The following CCSER2 variants were observed in gnomAD, a reference collection of about 807,000 sequenced individuals.
CCSER2 encodes serine-rich coiled-coil domain-containing protein 2.
A neutral mutation model predicts 92.3 loss-of-function variants in CCSER2; 46 were observed. The observed-to-expected ratio is 0.50, with a 90% CI of 0.39 to 0.64. The LOEUF (loss-of-function observed/expected upper bound fraction) is 0.64. Among genes scored for constraint, CCSER2 ranks in the 30% least tolerant of loss-of-function variants. CCSER2 has a pLI of 0.00. For missense variants in CCSER2, 1,244 were observed against 1,238.9 expected, an observed-to-expected ratio of 1.00 and a Z score of -0.06; for synonymous variants, 433 against 431.4, an observed-to-expected ratio of 1.00 and a Z score of -0.04.
At chr10:84,473,820 C>T (rs1846965107) in intron 8 of CCSER2, among the ~76,000 whole-genome samples, 2 of 152,182 alleles carry the variant, frequency 1.3e-5, no homozygotes, top group African/African-American at 4.8e-5. Context: ...CATCACCTCT[C>T]TCTAGTGCTT....
intron 1 of CCSER2, among the ~76,000 whole-genome samples, chr10:84,360,226 A>C (rs1845422476): frequency 6.6e-6 from 1 of 152,044 alleles, no homozygotes; most frequent in Non-Finnish European, 1.5e-5. Flanking sequence ...TAATAGTTTC[A>C]GTTTTAACTG....
intron 6 of CCSER2, among the ~76,000 whole-genome samples, chr10:84,452,782 T>G (rs1458045748): frequency 6.6e-6 from 1 of 152,192 alleles, no homozygotes; most frequent in African/African-American, 2.4e-5. Flanking sequence ...AAGTTATTTC[T>G]TCAGTATTTT....
At chr10:84,480,226 G>A (rs1289852937) in intron 9 of CCSER2, among the ~76,000 whole-genome samples, 1 of 151,404 alleles carries the variant, frequency 6.6e-6, no homozygotes, top group African/African-American at 2.4e-5. Flanking sequence ...TTTATTTTTT[G>A]TAGAGACAGG....
chr10:84,420,776 AC>A (rs1194165131), intron 4 of CCSER2, among the ~76,000 whole-genome samples: 1 of 152,016 alleles, frequency 6.6e-6, no homozygotes, highest in East Asian at 1.9e-4. Flanking sequence ...TACTAAAAAC[AC>A]AAAAAATTAG....
At chr10:84,362,507 T>A (rs1009523092) in intron 1 of CCSER2, among the ~76,000 whole-genome samples, 1 of 152,188 alleles carries the variant, frequency 6.6e-6, no homozygotes, top group African/African-American at 2.4e-5. Flanking sequence ...CTCTTGTTAG[T>A]ATTTTTGTTC....
At chr10:84,405,223 A>G (rs1842318695) in intron 3 of CCSER2, among the ~76,000 whole-genome samples, 1 of 152,234 alleles carries the variant, frequency 6.6e-6, no homozygotes, top group Non-Finnish European at 1.5e-5. Flanking sequence ...AACTCAGTGG[A>G]GAAATCTTTC....
Position 84,332,709 on chromosome 10 carries a change from T to C in CCSER2, c.-40+3901T>C, listed in dbSNP as rs1315204888. Among the ~76,000 whole-genome samples, 4 of 152,012 alleles carry C rather than the reference T, an allele frequency of 2.6e-5. No individual in the cohort carries two copies. The East Asian group carries it at 7.7e-4, about 29-fold the overall frequency. ...GATCACACCTGTAATCTCAGCACTT[T>C]GGGAGGGTGAGGCGGGAGAATCGCT... On this transcript the variant is annotated intron_variant, in intron 1 of 9. Coordinates refer to ENST00000372088, the MANE Select transcript of CCSER2 (RefSeq NM_001284240.2).
At chr10:84,425,981 T>A in intron 5 of CCSER2, 88 bp downstream of exon 5, 1 of 987,362 alleles carries the variant, frequency 1.0e-6, no homozygotes, top group African/African-American at 1.6e-5. Flanking sequence ...AAAAAACCTG[T>A]TTTTGTCTGG....
chr10:84,494,988 T>C (rs911377057), intron 9 of CCSER2, among the ~76,000 whole-genome samples: 17 of 126,178 alleles, frequency 1.3e-4, no homozygotes, highest in Non-Finnish European at 2.9e-4. Flanking sequence ...TTTTTTTTTT[T>C]TTTCTTTCTT....
At position 84,463,994 on chromosome 10, in the gene CCSER2, A is replaced by T; in HGVS notation, c.2126A>T (p.Glu709Val). The T allele has an allele frequency of 1.2e-6, 2 of 1,608,014 alleles. No individual in the cohort carries two copies. Among genetic ancestry groups the T allele is most frequent in the Non-Finnish European group, 8.5e-7 (1 of 1,174,918 alleles). The change falls in exon 7 of 10, where the codon GAA becomes GTA. Residue 709 changes from glutamate to valine, a missense_variant. Glu to Val is a moderately radical substitution (Grantham distance 121). Coordinates refer to ENST00000372088, the MANE Select transcript of CCSER2 (RefSeq NM_001284240.2). The part of the protein sequence containing the change: ...QLSLPSSPEP[E>V]DGDKVYKNED... ...TCATTGCCATCCAGTCCAGAACCAGAAGATGGTGATAAAGTATATAAGGTA... is the reference window on the plus strand; with the variant it reads ...TCATTGCCATCCAGTCCAGAACCAGTAGATGGTGATAAAGTATATAAGGTA...
At chr10:84,454,300 A>G (rs549345856) in intron 6 of CCSER2, among the ~76,000 whole-genome samples, 14 of 152,138 alleles carry the variant, frequency 9.2e-5, no homozygotes, top group East Asian at 5.8e-4. Context: ...GATATCCGCT[A>G]TATTGGATTT....
chr10:84,371,556 T>G lies in CCSER2; in HGVS notation c.504T>G (p.Thr168=). The change falls in exon 2 of 10, where the codon ACT becomes ACG. Residue 168 remains threonine, a synonymous_variant. Transcript: ENST00000372088. ...GGACTTCATATTCTTCGATCAATAC[T>G]CCAAAATCACAGTTGAATGGATTTT... ...LGRTSYSSIN[T]PKSQLNGFYG... is the part of the protein sequence containing the mutation. 1 of 1,613,702 alleles carries G rather than the reference T, an allele frequency of 6.2e-7. No homozygotes were observed. The highest frequency in any genetic ancestry group is 8.5e-7 in the Non-Finnish European group (1 of 1,179,790).
At chr10:84,407,354 T>C (rs1433441324) in intron 3 of CCSER2, among the ~76,000 whole-genome samples, 1 of 152,234 alleles carries the variant, frequency 6.6e-6, no homozygotes, top group East Asian at 1.9e-4. Context: ...TTCCATCATT[T>C]GTTTTATTTA....
intron 1 of CCSER2, among the ~76,000 whole-genome samples, chr10:84,363,351 A>G (rs919219916): frequency 5.3e-5 from 8 of 152,126 alleles, no homozygotes; most frequent in African/African-American, 1.7e-4. Flanking sequence ...GATGACAGCC[A>G]GGAAAAAATG....
At chr10:84,501,639 G>A (rs1848725775) in intron 9 of CCSER2, among the ~76,000 whole-genome samples, 1 of 147,870 alleles carries the variant, frequency 6.8e-6, no homozygotes, top group African/African-American at 2.5e-5. Flanking sequence ...CTTCCTTCTT[G>A]GGTTCAGAGC....
At position 84,514,351 on chromosome 10, in the gene CCSER2, G is replaced by T. The variant is rs1849523288; in HGVS notation, c.*84G>T. 2.1e-6 allele frequency: 2 copies of T among 940,074 alleles called. No homozygotes were observed. The highest frequency in any genetic ancestry group is 5.3e-5 in the East Asian group (2 of 37,914). The allele number at this position is 940,074 out of a possible 1,614,324, so 58.2% of individuals were successfully genotyped here. A position where few individuals can be genotyped will look rare whatever the true frequency, so the allele number is the denominator to read the frequency against. ...TATGTGCAGCTTGCAGCTTGCTACT[G>T]TGGTGGAGGTTCCATTGAAAGCCTG... On this transcript the variant is annotated 3_prime_UTR_variant, in exon 10 of 10. Coordinates refer to ENST00000372088, the MANE Select transcript of CCSER2 (RefSeq NM_001284240.2).
intron 4 of CCSER2, among the ~76,000 whole-genome samples, chr10:84,423,698 G>A (rs1375804827): frequency 1.3e-5 from 2 of 152,248 alleles, no homozygotes; most frequent in African/African-American, 2.4e-5. Flanking sequence ...ACAGTTAAAT[G>A]TAGATTATCC....
chr10:84,398,386 A>G lies in CCSER2; in HGVS notation c.1615-19385A>G, dbSNP rs541347944. 8.5e-4 allele frequency among the ~76,000 whole-genome samples: 130 copies of G among 152,328 alleles called. 1 individual carries two copies. Among genetic ancestry groups the G allele is most frequent in the Middle Eastern group, 3.4e-3 (1 of 294 alleles). The stretch of plus-strand genomic sequence containing the variant: ...TAATTCCCTCTTTGCTATGTAAGCT[A>G]TCATATTTACAGGGATTATTCTGCT... On this transcript the variant is annotated intron_variant, in intron 3 of 9. Transcript: ENST00000372088.
chr10:84,389,230 A>G (rs1377880208), intron 3 of CCSER2: 3 of 456,040 alleles, frequency 6.6e-6, no homozygotes, highest in African/African-American at 6.1e-5. Context: ...GGTGGCGGCC[A>G]TCAGCATTGC....
Sources: allele counts gnomAD v4.1 joint callset (sites outside exome capture counted in the v4.1 genomes callset), GRCh38; gene constraint gnomAD v4.1.1; transcripts MANE v1.5; gene names NCBI Gene and HGNC (gene_info 2026-07-23, HGNC 2026-07-21).